Variants in HIBCH observed in about 807,000 individuals in gnomAD.
HIBCH encodes the protein 3-hydroxyisobutyryl-CoA hydrolase, mitochondrial.
In HIBCH, 50 loss-of-function variants were observed where a neutral mutation model predicts 58.2. The observed-to-expected ratio is 0.86, with a 90% CI of 0.68 to 1.09. The LOEUF (loss-of-function observed/expected upper bound fraction) is 1.09, where lower values mean the gene tolerates loss of function less well. Ranked by LOEUF, HIBCH falls within the 50% of genes least tolerant of loss-of-function variation. HIBCH has a pLI of 0.00. For synonymous variants in HIBCH, 151 were observed against 146.9 expected (o/e 1.03, Z -0.20); for missense variants, 450 against 449.7 (o/e 1.00, Z -0.01).
chr2:190,234,652 C>T (rs1686209435), intron 11 of HIBCH, among the ~76,000 whole-genome samples: 2 of 152,092 alleles, frequency 1.3e-5, no homozygotes, highest in African/African-American at 4.8e-5. Flanking sequence ...GAGTTCAAGA[C>T]CAGCCTGACT....
At chr2:190,302,768 A>G (rs1688300556) in intron 2 of HIBCH, among the ~76,000 whole-genome samples, 2 of 152,266 alleles carry the variant, frequency 1.3e-5, no homozygotes, top group Admixed American at 6.5e-5. Context: ...ATTGGGGGGA[A>G]CAGGATTTTT....
chr2:190,293,495 C>T (rs1395033735), intron 4 of HIBCH, among the ~76,000 whole-genome samples: 4 of 151,944 alleles, frequency 2.6e-5, no homozygotes, highest in Non-Finnish European at 4.4e-5. Flanking sequence ...TAAAAAAACG[C>T]ATGTTGTAGG....
chr2:190,191,666 T>C (rs1689716481), intron 1 of HIBCH, among the ~76,000 whole-genome samples: 1 of 152,234 alleles, frequency 6.6e-6, no homozygotes, highest in Non-Finnish European at 1.5e-5. Flanking sequence ...TTCTAACAGC[T>C]ACATAGTGGT....
chr2:190,218,724 T>C (rs191137884), intron 11 of HIBCH, among the ~76,000 whole-genome samples: 2 of 152,222 alleles, frequency 1.3e-5, no homozygotes, highest in Non-Finnish European at 2.9e-5. Flanking sequence ...TAAAATGGGA[T>C]ACCAATCCCA....
rs1171960111 is a variant in HIBCH, at chr2:190,207,601, C to CTCA, written c.1045+1278_1045+1279insTGA. ...ATTCAGATAAAAAAGTATATCCAGG[C>CTCA]TGGGCACGGTGGCTCATGCCTGTAA... On this transcript the variant is annotated intron_variant, in intron 13 of 13. Coordinates refer to ENST00000359678, the MANE Select transcript of HIBCH (RefSeq NM_014362.4). This position sits in a 1 kb window ranked among gnomAD's most constrained non-coding sequence, Gnocchi z 4.5. Among the ~76,000 whole-genome samples the CTCA allele has an allele frequency of 1.3e-5, 2 of 152,190 alleles. No individual in the cohort carries two copies. The highest frequency in any genetic ancestry group is 4.8e-5 in the African/African-American group (2 of 41,452).
intron 11 of HIBCH, among the ~76,000 whole-genome samples, chr2:190,242,736 T>C (rs1010659878): frequency 2.0e-5 from 3 of 152,224 alleles, no homozygotes; most frequent in Admixed American, 6.5e-5. Context: ...GAGACTGTGA[T>C]TGTCATAAAT....
At position 190,262,618 on chromosome 2, in the gene HIBCH, C is replaced by CA. The variant is rs529405276; in HGVS notation, c.439-1385dup. ...ATCTTCTGGAATCTTCATTCCTTTA[C>CA]AAAGGAACAACCTAACAGACCAAAT... is the stretch of plus-strand genomic sequence containing the variant. On this transcript the variant is annotated intron_variant, in intron 6 of 13. Coordinates refer to ENST00000359678, the MANE Select transcript of HIBCH (RefSeq NM_014362.4). Among the ~76,000 whole-genome samples, 451 of 152,308 alleles carry CA rather than the reference C, an allele frequency of 3.0e-3. 4 individuals carry two copies. Among genetic ancestry groups the CA allele is most frequent in the African/African-American group, 0.01 (423 of 41,570 alleles).
At chr2:190,212,204 T>G (rs1690529313) in intron 12 of HIBCH, among the ~76,000 whole-genome samples, 1 of 152,202 alleles carries the variant, frequency 6.6e-6, no homozygotes, top group South Asian at 2.1e-4. Context: ...TTTACATCCC[T>G]CAAGGAGTGA....
intron 7 of HIBCH, among the ~76,000 whole-genome samples, chr2:190,252,880 CG>C (rs1485183145): frequency 1.3e-5 from 2 of 152,114 alleles, no homozygotes; most frequent in African/African-American, 4.8e-5. Flanking sequence ...AAATTATCTA[CG>C]GGTAACAACT....
intron 9 of HIBCH, among the ~76,000 whole-genome samples, chr2:190,248,527 T>C (rs7590991): frequency 0.33 from 49,827 of 152,002 alleles, 10,281 homozygotes; most frequent in South Asian, 0.47. Flanking sequence ...TCTACTCTTC[T>C]GCCAGGCTAC....
At chr2:190,252,121 G>T (rs1170332120) in intron 8 of HIBCH, 41 bp downstream of exon 8, 5 of 1,600,184 alleles carry the variant, frequency 3.1e-6, no homozygotes, top group Non-Finnish European at 4.3e-6. Context: ...ATTTTGTGTT[G>T]TTATTCCAAC....
intron 11 of HIBCH, among the ~76,000 whole-genome samples, chr2:190,232,673 T>C (rs1156916533): frequency 2.0e-5 from 3 of 152,090 alleles, no homozygotes; most frequent in Non-Finnish European, 2.9e-5. Flanking sequence ...AACATAATAA[T>C]AGAGGCCGGG....
At chr2:190,246,471 T>C (rs1686611899) in intron 9 of HIBCH, among the ~76,000 whole-genome samples, 1 of 152,230 alleles carries the variant, frequency 6.6e-6, no homozygotes, top group African/African-American at 2.4e-5. Flanking sequence ...TAACCACTAT[T>C]ACATTTGACA....
chr2:190,222,772 T>C (rs1685758877), intron 11 of HIBCH, among the ~76,000 whole-genome samples: 5 of 152,206 alleles, frequency 3.3e-5, no homozygotes. Context: ...CATTACTGGG[T>C]ATATACCCAA....
intron 2 of HIBCH, among the ~76,000 whole-genome samples, chr2:190,299,705 T>G (rs115303271): frequency 0.015 from 2,300 of 152,280 alleles, 62 homozygotes; most frequent in African/African-American, 0.051. Flanking sequence ...AGGTTCAGGG[T>G]ACATGCGCAG....
At chr2:190,194,774 G>T (rs1689891312) in intron 1 of HIBCH, among the ~76,000 whole-genome samples, 1 of 152,044 alleles carries the variant, frequency 6.6e-6, no homozygotes, top group Non-Finnish European at 1.5e-5. Flanking sequence ...TCATATAGTT[G>T]TAATCATACA....
chr2:190,195,795 C>T (rs560387561), intron 1 of HIBCH, among the ~76,000 whole-genome samples: 1 of 152,234 alleles, frequency 6.6e-6, no homozygotes, highest in East Asian at 1.9e-4. Context: ...ACACATCATG[C>T]CTTTGGCACT....
chr2:190,241,917 T>C lies in HIBCH; in HGVS notation c.891+2970A>G, dbSNP rs149066134. On this transcript the variant is annotated intron_variant, in intron 11 of 13. Transcript: ENST00000359678. ...AACATTTTTTCCTTCATTTCAACTT[T>C]GGAGAATCTGAAGATTATGTGTCTT... Among the ~76,000 whole-genome samples, 303 of 152,290 alleles carry C rather than the reference T, an allele frequency of 2.0e-3. 1 individual carries two copies. The highest frequency in any genetic ancestry group is 0.01 in the Middle Eastern group (3 of 294).
At chr2:190,275,965 A>C (rs955471428) in intron 6 of HIBCH, among the ~76,000 whole-genome samples, 1 of 152,198 alleles carries the variant, frequency 6.6e-6, no homozygotes, top group Non-Finnish European at 1.5e-5. Flanking sequence ...CAGAGCTTTC[A>C]ATGGAAATTT....
Sources: gnomAD v4.1 joint callset for allele counts (sites outside exome capture counted in the v4.1 genomes callset) on GRCh38, gnomAD v4.1.1 for gene constraint, Gnocchi (gnomAD v3.1) non-coding constraint, MANE v1.5 for transcripts, NCBI Gene and HGNC (gene_info 2026-07-23, HGNC 2026-07-21) for gene names.